The following ENTREP2 variants were observed in gnomAD, a reference collection of about 807,000 sequenced individuals.
ENTREP2 encodes endosomal transmembrane epsin interactor 2.
At chr15:29,390,863 T>C in the ENTREP2 span, among the ~76,000 whole-genome samples, 1 of 152,224 alleles carries the variant, frequency 6.6e-6, no homozygotes, top group Admixed American at 6.5e-5. Flanking sequence ...ATTACTTTCA[T>C]GAAACATATG....
chr15:29,599,624 T>A, the ENTREP2 span, among the ~76,000 whole-genome samples: 5 of 152,274 alleles, frequency 3.3e-5, no homozygotes, highest in African/African-American at 1.2e-4. Context: ...CGCATTATAA[T>A]CCCTACTTTG....
At chr15:29,269,781 T>A in the ENTREP2 span, 1 of 1,330,882 alleles carries the variant, frequency 7.5e-7, no homozygotes, top group Non-Finnish European at 9.8e-7. Context: ...GGCGACCCGC[T>A]AACGCCGGTG....
the ENTREP2 span, chr15:29,269,109 C>G: frequency 9.3e-6 from 15 of 1,614,062 alleles, no homozygotes; most frequent in Non-Finnish European, 1.3e-5. Context: ...GCAGAAAGTC[C>G]CAGGCTTCAG....
the ENTREP2 span, among the ~76,000 whole-genome samples, chr15:29,619,608 C>A: frequency 6.6e-6 from 1 of 152,012 alleles, no homozygotes; most frequent in Non-Finnish European, 1.5e-5. Context: ...CTGAAAAGTG[C>A]CTGTGAAAGA....
the ENTREP2 span, chr15:29,234,176 G>T: frequency 6.3e-7 from 1 of 1,599,590 alleles, no homozygotes; most frequent in Admixed American, 1.7e-5. Context: ...CCTTGATCTG[G>T]GTCCAGTATC....
the ENTREP2 span, among the ~76,000 whole-genome samples, chr15:29,513,373 C>G: frequency 2.0e-5 from 3 of 152,172 alleles, no homozygotes; most frequent in Non-Finnish European, 4.4e-5. Flanking sequence ...TGGATGTACT[C>G]TATTTGAAAA....
chr15:29,632,567 A>G, the ENTREP2 span, among the ~76,000 whole-genome samples: 1 of 152,192 alleles, frequency 6.6e-6, no homozygotes, highest in African/African-American at 2.4e-5. Context: ...GGATCACCTC[A>G]CATCAGGAGT....
At chr15:29,535,524 A>G in the ENTREP2 span, among the ~76,000 whole-genome samples, 2 of 152,154 alleles carry the variant, frequency 1.3e-5, no homozygotes, top group South Asian at 2.1e-4. Flanking sequence ...TCTACAAAGA[A>G]AAAAAAATTT....
the ENTREP2 span, among the ~76,000 whole-genome samples, chr15:29,449,705 T>C: frequency 6.6e-6 from 1 of 152,204 alleles, no homozygotes; most frequent in South Asian, 2.1e-4. Flanking sequence ...AACAGAACAA[T>C]GTGGCAGCTT....
the ENTREP2 span, among the ~76,000 whole-genome samples, chr15:29,585,597 C>G: frequency 3.3e-5 from 5 of 152,188 alleles, no homozygotes; most frequent in Non-Finnish European, 7.3e-5. Flanking sequence ...TGGCTCACGC[C>G]TGTAATTCCA....
At chr15:29,518,503 T>G in the ENTREP2 span, among the ~76,000 whole-genome samples, 5 of 152,030 alleles carry the variant, frequency 3.3e-5, no homozygotes, top group African/African-American at 1.2e-4. Context: ...AAAGGAGGCG[T>G]GCCATGGACA....
the ENTREP2 span, among the ~76,000 whole-genome samples, chr15:29,533,829 G>A: frequency 5.9e-5 from 9 of 152,016 alleles, no homozygotes; most frequent in African/African-American, 2.2e-4. Flanking sequence ...TCTTGGAAAG[G>A]AAGAAGGGAA....
At chr15:29,668,259 C>T in the ENTREP2 span, among the ~76,000 whole-genome samples, 2 of 152,158 alleles carry the variant, frequency 1.3e-5, no homozygotes, top group African/African-American at 4.8e-5. Context: ...ATTGCCAGTC[C>T]GGGGAAACGC....
the ENTREP2 span, chr15:29,196,834 C>T: frequency 2.7e-6 from 1 of 369,840 alleles, no homozygotes; most frequent in Non-Finnish European, 4.9e-6. Flanking sequence ...AGGTGGATTA[C>T]AAAATGAGAT....
chr15:29,454,525 C>T, the ENTREP2 span, among the ~76,000 whole-genome samples: 1 of 152,216 alleles, frequency 6.6e-6, no homozygotes, highest in South Asian at 2.1e-4. Flanking sequence ...CTCAGTGACC[C>T]TCTCTTTGCC....
the ENTREP2 span, chr15:29,675,021 G>A: frequency 6.5e-6 from 1 of 152,990 alleles, no homozygotes; most frequent in Non-Finnish European, 1.5e-5. Flanking sequence ...GGGCCTGGGC[G>A]CGCCTGCCCT....
chr15:29,177,365 T>C, the ENTREP2 span, among the ~76,000 whole-genome samples: 2 of 152,232 alleles, frequency 1.3e-5, no homozygotes, highest in Non-Finnish European at 2.9e-5. Context: ...CTTTCTGGAA[T>C]AGAACATAAA....
At chr15:29,629,259 C>T in the ENTREP2 span, among the ~76,000 whole-genome samples, 5 of 152,076 alleles carry the variant, frequency 3.3e-5, no homozygotes, top group African/African-American at 9.6e-5. Context: ...TTTTTCAGTT[C>T]GTCACTAATT....
the ENTREP2 span, among the ~76,000 whole-genome samples, chr15:29,619,060 T>C: frequency 2.0e-5 from 3 of 152,168 alleles, no homozygotes; most frequent in Admixed American, 6.5e-5. Context: ...GAAATCACCC[T>C]TTCTGAGTAC....
Sources: allele counts gnomAD v4.1 joint callset (sites outside exome capture counted in the v4.1 genomes callset), GRCh38; gene constraint gnomAD v4.1.1; transcripts MANE v1.5; gene names NCBI Gene and HGNC (gene_info 2026-07-23, HGNC 2026-07-21).